Variants in LAMC3 observed in about 807,000 individuals in gnomAD.
The protein encoded by LAMC3 is laminin subunit gamma 3.
A neutral mutation model predicts 173.8 loss-of-function variants in LAMC3; 128 were observed. That is an observed-to-expected ratio of 0.74 (90% CI 0.64 to 0.85). The LOEUF (loss-of-function observed/expected upper bound fraction) is 0.85. Among genes scored for constraint, LAMC3 ranks in the 40% least tolerant of loss-of-function variants. LAMC3 has a pLI of 0.00. For synonymous variants in LAMC3, 897 were observed against 909.1 expected, an observed-to-expected ratio of 0.99 and a Z score of 0.24; for missense variants, 2,022 against 2,156.0, an observed-to-expected ratio of 0.94 and a Z score of 1.23.
chr9:131,014,486 C>T (rs1312862959), intron 1 of LAMC3, among the ~76,000 whole-genome samples: 1 of 152,254 alleles, frequency 6.6e-6, no homozygotes, highest in Non-Finnish European at 1.5e-5. Context: ...ATCCTTGCAG[C>T]CCCTAATCCT....
At chr9:131,036,359 C>T (rs1351552609) in intron 4 of LAMC3, 27 bp downstream of exon 4, 1 of 1,612,454 alleles carries the variant, frequency 6.2e-7, no homozygotes, top group African/African-American at 1.3e-5. Flanking sequence ...CACAGGGCAT[C>T]AGGGACCCGA....
rs970997988 is a variant in LAMC3, at chr9:131,059,424, G to A, written c.2159-1611G>A. 4.7e-5 allele frequency among the ~76,000 whole-genome samples: 7 copies of A among 149,802 alleles called. No homozygotes were observed. In the East Asian group the frequency reaches 9.8e-4, roughly 21 times the overall value. On this transcript the variant is annotated intron_variant, in intron 12 of 27. Transcript: ENST00000361069. ...GGTGAATTGTTTGAACCCAGGGGGC[G>A]GAGGTTGCAGTGAGCCGAGATCGCG...
At chr9:131,055,728 T>A (rs1484415784) in intron 11 of LAMC3, among the ~76,000 whole-genome samples, 1 of 151,790 alleles carries the variant, frequency 6.6e-6, no homozygotes, top group East Asian at 1.9e-4. Context: ...CCCGGCCCAT[T>A]TTTTTTTCCA....
chr9:131,032,911 G>C (rs936093360), intron 3 of LAMC3, among the ~76,000 whole-genome samples: 17 of 152,188 alleles, frequency 1.1e-4, no homozygotes, highest in Admixed American at 1.1e-3. Flanking sequence ...CAGGTGATCT[G>C]CCCGCCTTGG....
intron 1 of LAMC3, among the ~76,000 whole-genome samples, chr9:131,012,465 G>A (rs560828360): frequency 2.4e-4 from 37 of 152,340 alleles, no homozygotes; most frequent in South Asian, 1.0e-3. Context: ...ACAGCTCAGG[G>A]CTGAGGCTCC....
chr9:131,091,215 T>A (rs898766539), intron 27 of LAMC3, among the ~76,000 whole-genome samples: 6 of 152,258 alleles, frequency 3.9e-5, no homozygotes, highest in Non-Finnish European at 7.3e-5. Context: ...TCTCCCACAC[T>A]GTTTTGTAAA....
intron 1 of LAMC3, among the ~76,000 whole-genome samples, chr9:131,024,815 C>G (rs1458716148): frequency 2.6e-5 from 4 of 152,124 alleles, no homozygotes; most frequent in Non-Finnish European, 5.9e-5. Flanking sequence ...GTGAGGAGCT[C>G]TGTCCAGTGT....
intron 27 of LAMC3, among the ~76,000 whole-genome samples, chr9:131,089,026 A>C (rs902681018): frequency 1.3e-5 from 2 of 152,058 alleles, no homozygotes; most frequent in Non-Finnish European, 2.9e-5. Flanking sequence ...CGGAGGTTGC[A>C]GTGAGCCAGG....
chr9:131,039,753 G>C (rs1395413307), intron 6 of LAMC3, among the ~76,000 whole-genome samples: 2 of 151,954 alleles, frequency 1.3e-5, no homozygotes, highest in Non-Finnish European at 2.9e-5. Context: ...GGAAGAGGAA[G>C]AAGAGGTGGA....
At chr9:131,021,508 CTG>C (rs1222311494) in intron 1 of LAMC3, among the ~76,000 whole-genome samples, 2 of 151,698 alleles carry the variant, frequency 1.3e-5, no homozygotes, top group East Asian at 1.9e-4. Flanking sequence ...ACTCCTCAAA[CTG>C]TGTTTTTCCT....
chr9:131,076,033 A>G lies in LAMC3; in HGVS notation c.3629+68A>G, dbSNP rs78968670. ...TCCTGGAGCCAACAGGGCCTAGCCA[A>G]AGGCTGCTGGTTCCAGAGCCAGCTC... On this transcript the variant is annotated intron_variant, in intron 21 of 27. Transcript: ENST00000361069. 1,985 of 1,467,234 alleles carry G rather than the reference A, an allele frequency of 1.4e-3. 29 individuals carry two copies. The African/African-American group carries it at 0.025, about 18-fold the overall frequency. The allele number at this position is 1,467,234 out of a possible 1,614,324, so 90.9% of individuals were successfully genotyped here.
At chr9:131,041,788 T>G in intron 7 of LAMC3, 53 bp downstream of exon 7, 1 of 1,484,548 alleles carries the variant, frequency 6.7e-7, no homozygotes, top group Admixed American at 1.8e-5. Flanking sequence ...GGGGGCTCAC[T>G]GATGAGGCAC....
At chr9:131,051,176 C>A (rs1360604318) in intron 9 of LAMC3, among the ~76,000 whole-genome samples, 1 of 152,128 alleles carries the variant, frequency 6.6e-6, no homozygotes, top group Non-Finnish European at 1.5e-5. Flanking sequence ...AAATCCCACC[C>A]CCCCAGTTCC....
rs183586922 is a variant in LAMC3 at position 131,020,205 on chromosome 9, G to A, written c.374-6080G>A. Among the ~76,000 whole-genome samples the A allele has an allele frequency of 1.9e-3, 284 of 152,312 alleles. 4 individuals carry two copies. The highest frequency in any genetic ancestry group is 4.1e-3 in the South Asian group (20 of 4,828). On this transcript the variant is annotated intron_variant, in intron 1 of 27. Transcript: ENST00000361069. ...CTGCCCACCTCGAGCATCAGAACCA[G>A]GTGGGTGAGCTGCTCCCAGCCTACA...
In LAMC3 at chr9:131,069,773, CACG is replaced by C; in HGVS notation, c.2995_2997del (p.Asp999del). ...CGAGGGCTACAAATGTGACCGCTGC[CACG>C]ACAACTTCTTCCTCACGGCAGACGG... On this transcript the variant is annotated inframe_deletion, in exon 17 of 28. Transcript: ENST00000361069. The C allele has an allele frequency of 1.3e-6, 2 of 1,596,078 alleles. No homozygotes were observed. Among genetic ancestry groups the C allele is most frequent in the Non-Finnish European group, 1.7e-6 (2 of 1,171,556 alleles).
intron 1 of LAMC3, among the ~76,000 whole-genome samples, chr9:131,018,930 C>G (rs1319923356): frequency 6.6e-6 from 1 of 152,182 alleles, no homozygotes; most frequent in African/African-American, 2.4e-5. Flanking sequence ...TTGATGCTCC[C>G]ACAGCCTCCC....
At chr9:131,074,183 C>T (rs1394659252) in intron 20 of LAMC3, among the ~76,000 whole-genome samples, 8 of 150,918 alleles carry the variant, frequency 5.3e-5, no homozygotes, top group Non-Finnish European at 8.9e-5. Context: ...CTCCTGACCC[C>T]GTGATCCACC....
In LAMC3 at chr9:131,091,422, G is replaced by T. The variant is rs543752699; in HGVS notation, c.4478-115G>T. 3.7e-5 allele frequency: 51 copies of T among 1,369,246 alleles called. No homozygotes were observed. The South Asian group carries it at 6.3e-4, about 17-fold the overall frequency. 84.8% of individuals were successfully genotyped at this position (1,369,246 alleles called of 1,614,324 possible). A position where few individuals can be genotyped will look rare whatever the true frequency, so the allele number is the denominator to read the frequency against. ...GCTCCCCATCTTTCCCTGGTGGATG[G>T]TGGGCCATTGGAATCCTGGGAGGCC... On this transcript the variant is annotated intron_variant, in intron 27 of 27. Transcript: ENST00000361069.
At chr9:131,025,299 G>A (rs1182990269) in intron 1 of LAMC3, among the ~76,000 whole-genome samples, 6 of 152,144 alleles carry the variant, frequency 3.9e-5, no homozygotes, top group Admixed American at 3.9e-4. Flanking sequence ...GGGAAGAGGA[G>A]GAATTGGGAA....
Sources: gnomAD v4.1 joint callset for allele counts (sites outside exome capture counted in the v4.1 genomes callset) on GRCh38, gnomAD v4.1.1 for gene constraint, MANE v1.5 for transcripts, NCBI Gene and HGNC (gene_info 2026-07-23, HGNC 2026-07-21) for gene names.